The following NDC1 variants were observed in gnomAD, a reference collection of about 807,000 sequenced individuals.
NDC1 encodes the protein NDC1 transmembrane nucleoporin, also known as nucleoporin NDC1.
Under a neutral mutation model 89.8 loss-of-function variants are expected in NDC1, and 24 were observed. That is an observed-to-expected ratio of 0.27 (90% confidence interval 0.19 to 0.38). The LOEUF (loss-of-function observed/expected upper bound fraction) is 0.38. NDC1 is among the 10% of genes least tolerant of loss of function. NDC1 has a pLI of 1.00. For synonymous variants in NDC1, 296 were observed against 284.8 expected (o/e 1.04, Z -0.39); for missense variants, 728 against 797.6 (o/e 0.91, Z 1.05).
chr1:53,800,330 A>G (rs1237953283), intron 11 of NDC1, among the ~76,000 whole-genome samples: 1 of 104,102 alleles, frequency 9.6e-6, no homozygotes, highest in Non-Finnish European at 1.9e-5. Context: ...AACTACAGTC[A>G]TCTTTTTTTT....
intron 6 of NDC1, among the ~76,000 whole-genome samples, 186 bp from the exon 7 acceptor site, chr1:53,809,932 G>C (rs897245319): frequency 6.6e-6 from 1 of 152,158 alleles, no homozygotes; most frequent in Non-Finnish European, 1.5e-5. Flanking sequence ...GCTTTGTACA[G>C]TTCTGATATA....
intron 17 of NDC1, 139 bp from the exon 18 acceptor site, chr1:53,768,172 C>T: frequency 1.8e-6 from 1 of 548,738 alleles, no homozygotes; most frequent in Non-Finnish European, 3.0e-6. Context: ...TCTGAAAAAG[C>T]TGGATGAAAA....
At chr1:53,812,961 TC>T (rs1192836577) in intron 6 of NDC1, among the ~76,000 whole-genome samples, 1 of 152,168 alleles carries the variant, frequency 6.6e-6, no homozygotes, top group Admixed American at 6.5e-5. Context: ...TTCAGCCTCC[TC>T]CAACAAAACA....
intron 16 of NDC1, among the ~76,000 whole-genome samples, chr1:53,783,241 C>T (rs1488889517): frequency 6.6e-6 from 1 of 151,832 alleles, no homozygotes; most frequent in African/African-American, 2.4e-5. Flanking sequence ...GCAGATTACC[C>T]ACACAGACTC....
Position 53,835,992 on chromosome 1 carries a change from C to A in NDC1, c.58-372G>T, listed in dbSNP as rs572917945. On this transcript the variant is annotated intron_variant, in intron 1 of 17. Coordinates refer to ENST00000371429, the MANE Select transcript of NDC1 (RefSeq NM_018087.5). Reference sequence around the variant, plus strand: ...TGTATACTGTAACTGTATTTATAATCATCAGATATGAACCTTTACTGGGCA... The same window carrying A: ...TGTATACTGTAACTGTATTTATAATAATCAGATATGAACCTTTACTGGGCA... Among the ~76,000 whole-genome samples the A allele has an allele frequency of 6.6e-5, 10 of 152,258 alleles. No homozygotes were observed. In the South Asian group the frequency reaches 1.7e-3, roughly 25 times the overall value.
intron 16 of NDC1, among the ~76,000 whole-genome samples, chr1:53,775,371 C>T (rs1276439252): frequency 6.6e-6 from 1 of 151,988 alleles, no homozygotes; most frequent in Non-Finnish European, 1.5e-5. Context: ...ATTCTCCTGC[C>T]TCAACCTTCC....
chr1:53,792,020 G>A (rs1411050294), intron 14 of NDC1, among the ~76,000 whole-genome samples: 1 of 150,772 alleles, frequency 6.6e-6, no homozygotes. Flanking sequence ...TCGGCTCACT[G>A]CAAGCTCCGC....
Position 53,834,377 on chromosome 1 carries a change from G to T in NDC1, c.178+1123C>A, listed in dbSNP as rs544099579. On this transcript the variant is annotated intron_variant, in intron 2 of 17. Coordinates refer to ENST00000371429, the MANE Select transcript of NDC1 (RefSeq NM_018087.5). ...TAGAAATATTTGCTATGCCTGTGCT[G>T]GCTTATGGCTTAATTTCACCTGACC... 2.2e-4 allele frequency among the ~76,000 whole-genome samples: 33 copies of T among 152,336 alleles called. No individual in the cohort carries two copies. The East Asian group carries it at 6.2e-3, about 28-fold the overall frequency.
intron 16 of NDC1, among the ~76,000 whole-genome samples, chr1:53,777,069 C>T (rs1244113418): frequency 6.6e-6 from 1 of 151,826 alleles, no homozygotes; most frequent in Non-Finnish European, 1.5e-5. Context: ...ACTCTGTTGC[C>T]CAGGCTGAAG....
At chr1:53,778,356 T>C (rs1647179326) in intron 16 of NDC1, among the ~76,000 whole-genome samples, 1 of 152,018 alleles carries the variant, frequency 6.6e-6, no homozygotes, top group African/African-American at 2.4e-5. Flanking sequence ...AGGTTTGAGA[T>C]AAAGGACTAT....
chr1:53,806,503 A>T lies in NDC1; in HGVS notation c.906T>A (p.Pro302=). 1.3e-6 allele frequency: 2 copies of T among 1,516,524 alleles called. No homozygotes were observed. The highest frequency in any genetic ancestry group is 1.8e-6 in the Non-Finnish European group (2 of 1,139,114). 93.9% of individuals were successfully genotyped at this position (1,516,524 alleles called of 1,614,324 possible). A position where few individuals can be genotyped will look rare whatever the true frequency, so the allele number is the denominator to read the frequency against. Residue 302 remains proline, a synonymous_variant, in exon 9 of 18, where the codon CCT becomes CCA. Transcript: ENST00000371429. The part of the protein sequence containing the change: ...KIYATEAHVF[P]VQPPFAEGSD... ...ACCCTTCTGCAAATGGTGGTTGAAC[A>T]GGAAACACATGAGCCTATCAAATAA...
chr1:53,795,424 C>T (rs1330169261), intron 13 of NDC1, among the ~76,000 whole-genome samples: 2 of 152,166 alleles, frequency 1.3e-5, no homozygotes, highest in East Asian at 3.9e-4. Flanking sequence ...ACCTGGTTGT[C>T]TCATAGGTAT....
At chr1:53,807,216 CA>C (rs1648138049) in intron 8 of NDC1, among the ~76,000 whole-genome samples, 1 of 141,996 alleles carries the variant, frequency 7.0e-6, no homozygotes, top group African/African-American at 2.7e-5. Flanking sequence ...CACTGCCCTC[CA>C]GCCTGGGTGA....
chr1:53,810,614 T>C (rs545112732), intron 6 of NDC1, among the ~76,000 whole-genome samples: 6 of 152,240 alleles, frequency 3.9e-5, no homozygotes, highest in Non-Finnish European at 7.4e-5. Context: ...GGTCAATACA[T>C]TGCAATGAGG....
intron 16 of NDC1, among the ~76,000 whole-genome samples, chr1:53,772,704 AACAT>A (rs1647126927): frequency 6.6e-6 from 1 of 151,802 alleles, no homozygotes; most frequent in Non-Finnish European, 1.5e-5. Flanking sequence ...AACATAACAT[AACAT>A]AACATAACAT....
intron 2 of NDC1, among the ~76,000 whole-genome samples, chr1:53,833,919 A>C: frequency 6.9e-6 from 1 of 145,708 alleles, no homozygotes; most frequent in Non-Finnish European, 1.5e-5. Flanking sequence ...TCCACCCCCC[A>C]CTCCCCCTTT....
At chr1:53,823,464 C>T (rs1401412204) in intron 5 of NDC1, among the ~76,000 whole-genome samples, 1 of 152,112 alleles carries the variant, frequency 6.6e-6, no homozygotes, top group Non-Finnish European at 1.5e-5. Context: ...TAAAATTTTA[C>T]AAATTTTTAC....
rs545034890 is a variant in NDC1 at position 53,836,690 on chromosome 1, G to A, written c.58-1070C>T. 5.3e-5 allele frequency among the ~76,000 whole-genome samples: 8 copies of A among 151,564 alleles called. No individual in the cohort carries two copies. In the South Asian group the frequency reaches 6.3e-4, roughly 12 times the overall value. On this transcript the variant is annotated intron_variant, in intron 1 of 17. Transcript: ENST00000371429. ...TTTTTTTCAGTAGAGATGGGGTCTC[G>A]AACTCCTGACCCCAAGTGATCCTCC...
intron 9 of NDC1, 109 bp from the exon 10 acceptor site, chr1:53,804,118 TC>T: frequency 1.2e-6 from 1 of 807,970 alleles, no homozygotes; most frequent in Non-Finnish European, 2.0e-6. Flanking sequence ...TTAAACTTTT[TC>T]ATGAAAAAAA....
Sources: allele counts gnomAD v4.1 joint callset (sites outside exome capture counted in the v4.1 genomes callset), GRCh38; gene constraint gnomAD v4.1.1; transcripts MANE v1.5; gene names NCBI Gene and HGNC (gene_info 2026-07-23, HGNC 2026-07-21).